SLC39A11: variants seen among roughly 807,000 people sequenced by gnomAD.
SLC39A11 encodes zinc transporter ZIP11.
A neutral mutation model predicts 36.1 loss-of-function variants in SLC39A11; 33 were observed. The observed-to-expected ratio is 0.91, with a 90% CI of 0.69 to 1.22. SLC39A11 has a LOEUF of 1.22. SLC39A11 is among the 50% of genes most tolerant of loss of function. The probability of loss-of-function intolerance (pLI) is 0.00; values close to 1 mark genes in which losing one functional copy is unlikely to be tolerated. For missense variants in SLC39A11, 432 were observed against 430.3 expected (o/e 1.00, Z -0.03); for synonymous variants, 166 against 170.3 (o/e 0.97, Z 0.20).
chr17:72,703,484 G>C (rs1002649413), intron 7 of SLC39A11, among the ~76,000 whole-genome samples: 1 of 152,102 alleles, frequency 6.6e-6, no homozygotes, highest in Non-Finnish European at 1.5e-5. Flanking sequence ...AGGTAACATG[G>C]GGGGTTGGGG....
chr17:72,679,799 T>C (rs923131716), intron 7 of SLC39A11, among the ~76,000 whole-genome samples: 9 of 152,130 alleles, frequency 5.9e-5, no homozygotes, highest in Non-Finnish European at 1.0e-4. Context: ...ATCCCAGCAC[T>C]TTGGGAGGCC....
At chr17:72,866,852 T>C (rs1367302236) in intron 5 of SLC39A11, among the ~76,000 whole-genome samples, 1 of 152,210 alleles carries the variant, frequency 6.6e-6, no homozygotes, top group Non-Finnish European at 1.5e-5. Flanking sequence ...AATACTTTAT[T>C]TAGCTAACTA....
chr17:72,674,389 T>C (rs2071160369), intron 7 of SLC39A11, among the ~76,000 whole-genome samples: 1 of 152,232 alleles, frequency 6.6e-6, no homozygotes, highest in Middle Eastern at 3.2e-3. Context: ...CTCTTTTTGA[T>C]GGCTATATAC....
At chr17:72,802,865 A>C (rs1411869844) in intron 6 of SLC39A11, among the ~76,000 whole-genome samples, 1 of 152,138 alleles carries the variant, frequency 6.6e-6, no homozygotes, top group Admixed American at 6.5e-5. Flanking sequence ...GGAATGTGTC[A>C]AAACTATGGA....
intron 3 of SLC39A11, among the ~76,000 whole-genome samples, chr17:73,032,818 T>TCCAAGGG (rs1363198797): frequency 1.3e-5 from 2 of 152,214 alleles, no homozygotes; most frequent in African/African-American, 2.4e-5. Context: ...ACTTGGTATT[T>TCCAAGGG]CCAAGGGCCA....
chr17:72,946,332 G>A (rs77870916), intron 5 of SLC39A11, among the ~76,000 whole-genome samples: 2 of 152,260 alleles, frequency 1.3e-5, no homozygotes, highest in East Asian at 1.9e-4. Flanking sequence ...AGTTGTGGGC[G>A]GCAGTGAGGA....
chr17:72,867,365 T>C (rs2080353980), intron 5 of SLC39A11, among the ~76,000 whole-genome samples: 1 of 152,066 alleles, frequency 6.6e-6, no homozygotes, highest in Non-Finnish European at 1.5e-5. Context: ...CCGAGCATGG[T>C]GGCATGCACC....
intron 7 of SLC39A11, among the ~76,000 whole-genome samples, chr17:72,710,112 T>C (rs2073054849): frequency 6.6e-6 from 1 of 152,218 alleles, no homozygotes; most frequent in Admixed American, 6.5e-5. Flanking sequence ...CTTCGTCCTT[T>C]GCTTACAGGG....
chr17:72,811,070 A>C (rs926701732), intron 6 of SLC39A11, among the ~76,000 whole-genome samples: 1 of 51,190 alleles, frequency 2.0e-5, no homozygotes, highest in African/African-American at 9.2e-5. Flanking sequence ...AATAAAAGCA[A>C]AAAAAAAAAA....
At chr17:72,699,206 C>A (rs1006160100) in intron 7 of SLC39A11, among the ~76,000 whole-genome samples, 2 of 152,218 alleles carry the variant, frequency 1.3e-5, no homozygotes, top group East Asian at 3.9e-4. Flanking sequence ...CTGGGCCACA[C>A]TGGAAGAAAA....
chr17:72,682,102 T>C (rs2071534206), intron 7 of SLC39A11, among the ~76,000 whole-genome samples: 1 of 152,174 alleles, frequency 6.6e-6, no homozygotes, highest in Non-Finnish European at 1.5e-5. Flanking sequence ...GAACCGCACA[T>C]GCAAGGGACC....
At chr17:72,837,498 T>C (rs1265627572) in intron 6 of SLC39A11, among the ~76,000 whole-genome samples, 9 of 152,076 alleles carry the variant, frequency 5.9e-5, no homozygotes, top group Non-Finnish European at 1.2e-4. Flanking sequence ...CAAAAAGAAC[T>C]GGCTTCAAAG....
At chr17:73,036,771 AC>A (rs2058931161) in intron 3 of SLC39A11, among the ~76,000 whole-genome samples, 1 of 151,758 alleles carries the variant, frequency 6.6e-6, no homozygotes, top group Non-Finnish European at 1.5e-5. Flanking sequence ...ATTAGGGTCC[AC>A]TCTTGGTGCT....
intron 7 of SLC39A11, among the ~76,000 whole-genome samples, chr17:72,697,091 T>C (rs2072339182): frequency 6.6e-6 from 1 of 152,238 alleles, no homozygotes; most frequent in Non-Finnish European, 1.5e-5. Flanking sequence ...TCTTATTCTT[T>C]TTCTTTTTTT....
chr17:72,894,360 C>CAAAAAAA (rs57105586), intron 5 of SLC39A11, among the ~76,000 whole-genome samples: 1 of 29,690 alleles, frequency 3.4e-5, no homozygotes, highest in Non-Finnish European at 5.7e-5. Context: ...GACTCTGTCT[C>CAAAAAAA]AAAAAAAAAA....
intron 7 of SLC39A11, among the ~76,000 whole-genome samples, chr17:72,702,290 C>T (rs2072682214): frequency 6.6e-6 from 1 of 152,130 alleles, no homozygotes; most frequent in African/African-American, 2.4e-5. Context: ...GTGGCTGGCA[C>T]ATAGTAGGCC....
intron 3 of SLC39A11, among the ~76,000 whole-genome samples, chr17:73,053,935 C>T (rs2144005099): frequency 6.6e-6 from 1 of 152,302 alleles, no homozygotes; most frequent in Admixed American, 6.5e-5. Flanking sequence ...AGACTGATTT[C>T]CGTATAGACT....
intron 3 of SLC39A11, among the ~76,000 whole-genome samples, chr17:73,042,255 G>A (rs1339906811): frequency 3.3e-5 from 5 of 152,262 alleles, no homozygotes; most frequent in African/African-American, 7.2e-5. Context: ...TAACAAATAG[G>A]GGAAAGAAAA....
At chr17:72,684,616 T>G (rs9903952) in intron 7 of SLC39A11, among the ~76,000 whole-genome samples, 1 of 151,938 alleles carries the variant, frequency 6.6e-6, no homozygotes, top group African/African-American at 2.4e-5. Flanking sequence ...CAAACTCTAT[T>G]TGGCAGCTGG....
Sources: gnomAD v4.1 joint callset for allele counts (sites outside exome capture counted in the v4.1 genomes callset) on GRCh38, gnomAD v4.1.1 for gene constraint, MANE v1.5 for transcripts, NCBI Gene and HGNC (gene_info 2026-07-23, HGNC 2026-07-21) for gene names.